IFI44: variants seen among roughly 807,000 people sequenced by gnomAD.
IFI44 encodes interferon induced protein 44, also known as interferon-induced protein 44.
IFI44 carries 42 observed loss-of-function variants against 45.0 expected under a neutral mutation model. That is an observed-to-expected ratio of 0.93 (90% CI 0.73 to 1.21). IFI44 has a LOEUF of 1.21. IFI44 is among the 50% of genes most tolerant of loss of function. IFI44 has a pLI of 0.00. For missense variants in IFI44, 623 were observed against 525.8 expected, an observed-to-expected ratio of 1.18 and a Z score of -1.81; for synonymous variants, 221 against 188.6, an observed-to-expected ratio of 1.17 and a Z score of -1.41.
chr1:78,658,081 G>GAA (rs536343579), intron 5 of IFI44, among the ~76,000 whole-genome samples: 26 of 151,594 alleles, frequency 1.7e-4, no homozygotes, highest in African/African-American at 5.6e-4. Context: ...ACATTTTAAT[G>GAA]AAAAAAAATA....
Position 78,649,961 on chromosome 1 carries a change from C to G in IFI44, c.-11+56C>G, listed in dbSNP as rs554917417. On this transcript the variant is annotated intron_variant, in intron 1 of 8. Transcript: ENST00000370747. ...AGCTAGCATTAGTCTCTCTCTGTCT[C>G]TCTCAGGTGACAGTGTCACTTGCCA... The G allele has an allele frequency of 3.1e-4, 118 of 383,876 alleles. 1 individual carries two copies. Among genetic ancestry groups the G allele is most frequent in the African/African-American group, 2.2e-3 (106 of 48,420 alleles). The allele number at this position is 383,876 out of a possible 1,614,324, so 23.8% of individuals were successfully genotyped here.
rs1029781422 is a variant in IFI44 at position 78,660,571 on chromosome 1, T to C, written c.1030T>C (p.Leu344=). The C allele has an allele frequency of 3.1e-6, 5 of 1,613,344 alleles. No homozygotes were observed. The Admixed American group carries it at 5.0e-5, about 16-fold the overall frequency. The change falls in exon 7 of 9, where the codon TTG becomes CTG. Residue 344 remains leucine, a synonymous_variant. Transcript: ENST00000370747. ...LVNAGVVHVA[L]LTHVDSMDLI... ...TGGCATAGGTGTGGTACATGTGGCTTTGCTCACTCATGTGGATAGCATGGA... is the reference window on the plus strand; with the variant it reads ...TGGCATAGGTGTGGTACATGTGGCTCTGCTCACTCATGTGGATAGCATGGA...
In IFI44 at chr1:78,662,864, C is replaced by A; in HGVS notation, c.1274C>A (p.Pro425His). 2 of 1,600,954 alleles carry A rather than the reference C, an allele frequency of 1.2e-6. No individual in the cohort carries two copies. The highest frequency in any genetic ancestry group is 1.7e-6 in the Non-Finnish European group (2 of 1,175,588). ...WAADDFLEDL[P>H]FEQIGNLREE... ...GCAGATGACTTCTTAGAGGATTTGC[C>A]TTTTGAGCAAATAGGTAGATGGTTT... is the stretch of plus-strand genomic sequence containing the variant. Residue 425 changes from proline to histidine, a missense_variant, in exon 8 of 9, where the codon CCT becomes CAT. Coordinates refer to ENST00000370747, the MANE Select transcript of IFI44 (RefSeq NM_006417.5).
intron 3 of IFI44, 93 bp downstream of exon 3, chr1:78,654,372 A>G (rs1487974073): frequency 2.9e-6 from 2 of 683,664 alleles, no homozygotes; most frequent in African/African-American, 3.7e-5. Flanking sequence ...AACACATATT[A>G]TCACACATAA....
At chr1:78,663,661 A>G (rs1265585719) in intron 8 of IFI44, 104 bp from the exon 9 acceptor site, 51 of 1,514,104 alleles carry the variant, frequency 3.4e-5, no homozygotes, top group Non-Finnish European at 6.2e-6. Flanking sequence ...GTGTGCTCCT[A>G]ATATTAGCGT....
chr1:78,652,226 C>A (rs986494121), intron 2 of IFI44, among the ~76,000 whole-genome samples: 8 of 152,048 alleles, frequency 5.3e-5, no homozygotes, highest in African/African-American at 1.9e-4. Flanking sequence ...GGATTACAGG[C>A]GGACACCACC....
intron 3 of IFI44, 114 bp from the exon 4 acceptor site, chr1:78,654,900 G>C: frequency 1.2e-6 from 1 of 818,024 alleles, no homozygotes; most frequent in Non-Finnish European, 1.8e-6. Context: ...CATGTAAGAA[G>C]TCAAGTTGCT....
chr1:78,659,198 T>G (rs1021157658), intron 5 of IFI44, 114 bp from the exon 6 acceptor site: 9 of 808,156 alleles, frequency 1.1e-5, no homozygotes, highest in Non-Finnish European at 1.8e-5. Flanking sequence ...CCTCATACTA[T>G]TAGAGACTTT....
intron 2 of IFI44, among the ~76,000 whole-genome samples, chr1:78,650,997 C>T (rs527628320): frequency 1.3e-5 from 2 of 152,226 alleles, no homozygotes; most frequent in Admixed American, 6.5e-5. Flanking sequence ...AGACATTATT[C>T]AGGGACATGC....
intron 7 of IFI44, 81 bp downstream of exon 7, chr1:78,660,735 C>A: frequency 2.2e-6 from 2 of 925,350 alleles, no homozygotes; most frequent in Non-Finnish European, 1.8e-6. Context: ...AAAATAAAAA[C>A]AAGCAGCTAC....
Position 78,654,252 on chromosome 1 carries a change from A to G in IFI44, c.467A>G (p.Asp156Gly), listed in dbSNP as rs1278789783. 1 of 1,495,292 alleles carries G rather than the reference A, an allele frequency of 6.7e-7. No individual in the cohort carries two copies. The allele number at this position is 1,495,292 out of a possible 1,614,324, so 92.6% of individuals were successfully genotyped here. The change falls in exon 3 of 9, where the codon GAT (aspartate) becomes GGT (glycine). Residue 156 changes from aspartate to glycine, a missense_variant. Physicochemically the swap from Asp to Gly is moderately conservative, Grantham distance 94. Transcript: ENST00000370747. Reference sequence around the variant, plus strand: ...TTGATTATTTCCCCAGATTCACTGGATGAAAGAAAGATAAAAGGGGTCATT... The same window carrying G: ...TTGATTATTTCCCCAGATTCACTGGGTGAAAGAAAGATAAAAGGGGTCATT... The part of the protein sequence containing the change: ...YEVFRCEDSL[D>G]ERKIKGVIEL...
chr1:78,662,813 C>A lies in IFI44; in HGVS notation c.1223C>A (p.Ser408Tyr). Residue 408 changes from serine to tyrosine, a missense_variant, in exon 8 of 9, where the codon TCT (serine) becomes TAT (tyrosine). Transcript: ENST00000370747. ...LDPVKDVLILSALRRMLWAAD... is the reference protein window; with the variant it reads ...LDPVKDVLILYALRRMLWAAD... ...CCTGTAAAGGATGTTCTAATTCTTTCTGCTCTGAGACGAATGCTATGGGCT... is the reference window on the plus strand; with the variant it reads ...CCTGTAAAGGATGTTCTAATTCTTTATGCTCTGAGACGAATGCTATGGGCT... 6.2e-7 allele frequency: 1 copy of A among 1,613,806 alleles called. No individual in the cohort carries two copies. Among genetic ancestry groups the A allele is most frequent in the Non-Finnish European group, 8.5e-7 (1 of 1,179,884 alleles).
chr1:78,661,554 C>T (rs1362913328), intron 7 of IFI44, among the ~76,000 whole-genome samples: 1 of 152,012 alleles, frequency 6.6e-6, no homozygotes, highest in Non-Finnish European at 1.5e-5. Context: ...ACTCTCTTAT[C>T]AGCTACACAG....
chr1:78,662,277 T>A (rs568605889), intron 7 of IFI44, among the ~76,000 whole-genome samples: 1 of 152,300 alleles, frequency 6.6e-6, no homozygotes, highest in African/African-American at 2.4e-5. Flanking sequence ...AGAGTAAACA[T>A]CTGCCAACGT....
intron 4 of IFI44, 63 bp downstream of exon 4, chr1:78,655,272 C>G: frequency 4.5e-6 from 7 of 1,564,958 alleles, no homozygotes; most frequent in Non-Finnish European, 6.1e-6. Context: ...ATTTCAAAAG[C>G]CTTTTGCAGA....
chr1:78,658,443 T>C (rs975046571), intron 5 of IFI44, among the ~76,000 whole-genome samples: 3 of 152,162 alleles, frequency 2.0e-5, no homozygotes, highest in Non-Finnish European at 4.4e-5. Context: ...GTACAAATTA[T>C]TGTATTTTAA....
Position 78,654,250 on chromosome 1 carries a change from G to C in IFI44, c.465G>C (p.Leu155=). Residue 155 remains leucine (L), a synonymous_variant, in exon 3 of 9, where the codon CTG becomes CTC. Transcript: ENST00000370747. ...DYEVFRCEDS[L]DERKIKGVIE... Reference sequence around the variant, plus strand: ...CTTTGATTATTTCCCCAGATTCACTGGATGAAAGAAAGATAAAAGGGGTCA... The same window carrying C: ...CTTTGATTATTTCCCCAGATTCACTCGATGAAAGAAAGATAAAAGGGGTCA... 1 of 1,490,866 alleles carries C rather than the reference G, an allele frequency of 6.7e-7. No homozygotes were observed. Among genetic ancestry groups the C allele is most frequent in the Non-Finnish European group, 9.3e-7 (1 of 1,069,908 alleles). 92.4% of individuals were successfully genotyped at this position (1,490,866 alleles called of 1,614,324 possible). A position where few individuals can be genotyped will look rare whatever the true frequency, so the allele number is the denominator to read the frequency against.
rs376103917 is a variant in IFI44, at chr1:78,659,368, G to T, written c.897G>T (p.Ser299=). 1.4e-4 allele frequency: 221 copies of T among 1,613,184 alleles called. 1 individual carries two copies. Among genetic ancestry groups the T allele is most frequent in the Non-Finnish European group, 1.8e-4 (214 of 1,179,392 alleles). ...LNHHDYIDSP[S]LKDRIHCVAF... is the part of the protein sequence containing the mutation. ...ATCATGACTACATTGATTCCCCATC[G>T]CTGAAGGACAGAATTCATTGTGTGG... Residue 299 remains serine (S), a synonymous_variant, in exon 6 of 9, where the codon TCG becomes TCT. Transcript: ENST00000370747.
chr1:78,660,573 G>A lies in IFI44; in HGVS notation c.1032G>A (p.Leu344=). 1 of 1,613,266 alleles carries A rather than the reference G, an allele frequency of 6.2e-7. No individual in the cohort carries two copies. Among genetic ancestry groups the A allele is most frequent in the Non-Finnish European group, 8.5e-7 (1 of 1,179,354 alleles). The change falls in exon 7 of 9, where the codon TTG becomes TTA. Residue 344 remains leucine (L), a synonymous_variant. Transcript: ENST00000370747. ...GCATAGGTGTGGTACATGTGGCTTT[G>A]CTCACTCATGTGGATAGCATGGATT... is the stretch of plus-strand genomic sequence containing the variant. ...LVNAGVVHVA[L]LTHVDSMDLI...
Sources: gnomAD v4.1 joint callset for allele counts (sites outside exome capture counted in the v4.1 genomes callset) on GRCh38, gnomAD v4.1.1 for gene constraint, MANE v1.5 for transcripts, NCBI Gene and HGNC (gene_info 2026-07-23, HGNC 2026-07-21) for gene names.